The following KCNAB2 variants were observed in gnomAD, a reference collection of about 807,000 sequenced individuals.
KCNAB2 encodes voltage-gated potassium channel subunit beta-2.
Under a neutral mutation model 63.6 loss-of-function variants are expected in KCNAB2, and 29 were observed. The observed-to-expected ratio is 0.46, with a 90% CI of 0.34 to 0.62. The LOEUF (loss-of-function observed/expected upper bound fraction) is 0.62. KCNAB2 is among the 20% of genes least tolerant of loss of function. The pLI is 0.01. For missense variants in KCNAB2, 359 were observed against 563.9 expected (o/e 0.64, Z 3.68); for synonymous variants, 222 against 224.2 (o/e 0.99, Z 0.09).
chr1:6,100,307 C>T lies in KCNAB2; in HGVS notation c.*1733C>T. The T allele has an allele frequency of 2.6e-6, 1 of 383,030 alleles. No homozygotes were observed. Among genetic ancestry groups the T allele is most frequent in the Non-Finnish European group, 4.6e-6 (1 of 216,734 alleles). The allele number at this position is 383,030 out of a possible 1,614,324, so 23.7% of individuals were successfully genotyped here. A position where few individuals can be genotyped will look rare whatever the true frequency, so the allele number is the denominator to read the frequency against. On this transcript the variant is annotated 3_prime_UTR_variant, in exon 16 of 16. Coordinates refer to ENST00000378083, the MANE Select transcript of KCNAB2 (RefSeq NM_001199862.2). ...AGAACCCTTGCCCCTCCTCATAGAC[C>T]AAGTCCCGGGGGTCTCCACTCAGTC...
In KCNAB2 at chr1:6,100,864, CG is replaced by C. The variant is rs905864855; in HGVS notation, c.*2294del. 4.6e-5 allele frequency: 7 copies of C among 152,220 alleles called. No homozygotes were observed. Among genetic ancestry groups the C allele is most frequent in the African/African-American group, 1.7e-4 (7 of 41,428 alleles). 9.4% of individuals were successfully genotyped at this position (152,220 alleles called of 1,614,324 possible). On this transcript the variant is annotated 3_prime_UTR_variant, in exon 16 of 16. Transcript: ENST00000378083. ...GAAAGGGCAGAAGACCAAGGGCAGT[CG>C]GGGTCTAGAAAGGAGGGCGCTGGCC... is the stretch of plus-strand genomic sequence containing the variant.
upstream of KCNAB2, among the ~76,000 whole-genome samples, chr1:6,030,587 TTGTA>T (rs1313623589): frequency 3.4e-5 from 5 of 148,656 alleles, no homozygotes; most frequent in African/African-American, 7.5e-5. Context: ...GTAGGTATGT[TTGTA>T]TGTGTATGTA....
At chr1:6,085,292 G>C (rs1349401832) in intron 6 of KCNAB2, 44 bp downstream of exon 6, 28 of 1,581,872 alleles carry the variant, frequency 1.8e-5, no homozygotes, top group Non-Finnish European at 2.1e-5. Context: ...GGTGGGTGCG[G>C]GCGAACTATC....
intron 9 of KCNAB2, 31 bp downstream of exon 9, chr1:6,090,506 G>T (rs1396467792): frequency 6.4e-7 from 1 of 1,564,546 alleles, no homozygotes; most frequent in Non-Finnish European, 8.8e-7. Flanking sequence ...CCACCGGTTA[G>T]GCCTGGGCGG....
intron 1 of KCNAB2, among the ~76,000 whole-genome samples, chr1:6,026,891 C>T (rs572516218): frequency 6.6e-6 from 1 of 152,324 alleles, no homozygotes; most frequent in South Asian, 2.1e-4. Context: ...TCGGGAGGCC[C>T]TGGCCTGGGG....
At chr1:6,066,318 C>T (rs896187701) in intron 2 of KCNAB2, among the ~76,000 whole-genome samples, 7 of 152,184 alleles carry the variant, frequency 4.6e-5, no homozygotes, top group African/African-American at 1.2e-4. Context: ...GCTGACCTCC[C>T]GGCCTCCCCA....
chr1:6,075,589 A>G (rs865791654), intron 4 of KCNAB2, among the ~76,000 whole-genome samples: 4 of 152,212 alleles, frequency 2.6e-5, no homozygotes, highest in Non-Finnish European at 5.9e-5. Context: ...AAAGAAATCA[A>G]TACATCTAGA....
Position 6,078,429 on chromosome 1 carries a change from GAA to G in KCNAB2, c.301-3762_301-3761del, listed in dbSNP as rs142605023. Among the ~76,000 whole-genome samples, 7,366 of 150,598 alleles carry G rather than the reference GAA, an allele frequency of 0.049. 604 individuals are homozygous for G. The highest frequency in any genetic ancestry group is 0.17 in the African/African-American group (6,970 of 40,922). Reference sequence around the variant, plus strand: ...TTAGTTGACTGCAGAGAAGAAAGTAGAAAAAGGAGGGCAGGGGGGCGGGGGTC... The same window carrying G: ...TTAGTTGACTGCAGAGAAGAAAGTAGAAAGGAGGGCAGGGGGGCGGGGGTC... On this transcript the variant is annotated intron_variant, in intron 4 of 15. Transcript: ENST00000378083. This position sits in a 1 kb window ranked among gnomAD's most constrained non-coding sequence, Gnocchi z 4.2.
Position 6,088,996 on chromosome 1 carries a change from C to A in KCNAB2, c.471-12C>A. On this transcript the variant is annotated splice_polypyrimidine_tract_variant and intron_variant, in intron 7 of 15. Coordinates refer to ENST00000378083, the MANE Select transcript of KCNAB2 (RefSeq NM_001199862.2). ...CGCTGGTGACATCACACGCGGTCGG[C>A]CTGTTTTCCAGGGCGGAGACGGAGC... 6.5e-7 allele frequency: 1 copy of A among 1,548,082 alleles called. No homozygotes were observed. Among genetic ancestry groups the A allele is most frequent in the Non-Finnish European group, 8.7e-7 (1 of 1,145,628 alleles).
intron 15 of KCNAB2, 46 bp downstream of exon 15, chr1:6,097,403 A>G (rs1557520062): frequency 6.5e-7 from 1 of 1,548,752 alleles, no homozygotes; most frequent in Non-Finnish European, 8.7e-7. Flanking sequence ...TCCCAGCCCG[A>G]GCCCCGTCCA....
At chr1:6,032,375 T>C (rs1315277160), upstream of KCNAB2, among the ~76,000 whole-genome samples, 2 of 152,162 alleles carry the variant, frequency 1.3e-5, no homozygotes, top group East Asian at 3.9e-4. Flanking sequence ...GGTCAAGAGA[T>C]TGAGACCATC....
At position 6,024,551 on chromosome 1, in the gene KCNAB2, T is replaced by A. The variant is rs574465894; in HGVS notation, c.-52-15966T>A. On this transcript the variant is annotated intron_variant, in intron 1 of 16. Transcript: ENST00000341524. This position sits in a 1 kb window ranked among gnomAD's most constrained non-coding sequence, Gnocchi z 5.4. Reference sequence around the variant, plus strand: ...AGCTGAGGTTTGAGGGCTGGTTCAGTGTGTCTGAAACTGCGAAGCAGCCAG... The same window carrying A: ...AGCTGAGGTTTGAGGGCTGGTTCAGAGTGTCTGAAACTGCGAAGCAGCCAG... Among the ~76,000 whole-genome samples, 3 of 152,346 alleles carry A rather than the reference T, an allele frequency of 2.0e-5. No homozygotes were observed. In the East Asian group the frequency reaches 5.8e-4, roughly 29 times the overall value.
intron 1 of KCNAB2, among the ~76,000 whole-genome samples, chr1:5,993,569 A>G (rs1656711722): frequency 6.6e-6 from 1 of 152,190 alleles, no homozygotes; most frequent in Admixed American, 6.5e-5. Context: ...GTCCTGCGGC[A>G]TTAGCAGCAG....
chr1:6,085,174 G>A, intron 5 of KCNAB2, 30 bp from the exon 6 acceptor site: 1 of 1,613,380 alleles, frequency 6.2e-7, no homozygotes, highest in Non-Finnish European at 8.5e-7. Flanking sequence ...CTGTTTGGCT[G>A]TGATGAGAGC....
chr1:6,021,332 G>A (rs1398555500), intron 1 of KCNAB2, among the ~76,000 whole-genome samples: 1 of 152,126 alleles, frequency 6.6e-6, no homozygotes, highest in East Asian at 1.9e-4. Context: ...TAAATATTTG[G>A]CTTAAACACA....
In KCNAB2 at chr1:6,028,412, CA is replaced by C. The variant is rs760749116; in HGVS notation, c.-52-12104del. Among the ~76,000 whole-genome samples the C allele has an allele frequency of 3.4e-4, 51 of 152,198 alleles. No individual in the cohort carries two copies. Among genetic ancestry groups the C allele is most frequent in the Non-Finnish European group, 7.3e-4 (50 of 68,036 alleles). The stretch of plus-strand genomic sequence containing the variant: ...CACGGCAGATACTTCGGGGGCTTGG[CA>C]GGGGGGACCTCCGGGGTTCCAGAAG... On this transcript the variant is annotated intron_variant, in intron 1 of 16. Transcript: ENST00000341524. This position sits in a 1 kb window ranked among gnomAD's most constrained non-coding sequence, Gnocchi z 4.0.
At chr1:6,075,539 C>G (rs1663585663) in intron 4 of KCNAB2, among the ~76,000 whole-genome samples, 1 of 152,130 alleles carries the variant, frequency 6.6e-6, no homozygotes, top group Non-Finnish European at 1.5e-5. Flanking sequence ...AGCAAAGGAG[C>G]AAGACAAATT....
In KCNAB2 at chr1:6,073,908, A is replaced by G; in HGVS notation, c.300+138A>G. 1 of 865,880 alleles carries G rather than the reference A, an allele frequency of 1.2e-6. No individual in the cohort carries two copies. Among genetic ancestry groups the G allele is most frequent in the Non-Finnish European group, 1.9e-6 (1 of 533,368 alleles). 53.6% of individuals were successfully genotyped at this position (865,880 alleles called of 1,614,324 possible). A position where few individuals can be genotyped will look rare whatever the true frequency, so the allele number is the denominator to read the frequency against. On this transcript the variant is annotated intron_variant, in intron 4 of 15. Transcript: ENST00000378083. This position sits in a 1 kb window ranked among gnomAD's most constrained non-coding sequence, Gnocchi z 5.7. ...CCTCCCTCCCTCTTTCTGTTTTGTG[A>G]GGGCGCCCTGCCCCAGGGGAGAGTA... is the stretch of plus-strand genomic sequence containing the variant.
At chr1:5,992,916 G>C (rs1402545406) in intron 1 of KCNAB2, 1 of 152,596 alleles carries the variant, frequency 6.6e-6, no homozygotes, top group African/African-American at 2.4e-5. Flanking sequence ...TTCTTCCCCG[G>C]CCCTGCGTCC....
Sources: allele counts gnomAD v4.1 joint callset (sites outside exome capture counted in the v4.1 genomes callset), GRCh38; gene constraint gnomAD v4.1.1; non-coding constraint Gnocchi (gnomAD v3.1); transcripts MANE v1.5; gene names NCBI Gene and HGNC (gene_info 2026-07-23, HGNC 2026-07-21).